The following OR6N1 variants were observed in gnomAD, a reference collection of about 807,000 sequenced individuals.
OR6N1 encodes olfactory receptor 6N1.
For synonymous variants in OR6N1, 170 were observed against 150.7 expected, an observed-to-expected ratio of 1.13 and a Z score of -0.94; for missense variants, 394 against 371.7, an observed-to-expected ratio of 1.06 and a Z score of -0.49.
the OR6N1 span, among the ~76,000 whole-genome samples, chr1:158,790,690 C>T: frequency 6.6e-6 from 1 of 152,170 alleles, no homozygotes; most frequent in Non-Finnish European, 1.5e-5. Context: ...AGGCGTGAGC[C>T]ACTGCGCCGG....
chr1:158,769,524 A>T (rs1184060342), intron 1 of OR6N1, among the ~76,000 whole-genome samples: 1 of 152,212 alleles, frequency 6.6e-6, no homozygotes, highest in Non-Finnish European at 1.5e-5. Flanking sequence ...TGGAAAAATG[A>T]AATAAAAAGT....
the OR6N1 span, among the ~76,000 whole-genome samples, chr1:158,813,266 T>C: frequency 6.6e-6 from 1 of 152,196 alleles, no homozygotes; most frequent in Non-Finnish European, 1.5e-5. Context: ...TAAGAATTTA[T>C]CCTGCAGATG....
chr1:158,838,663 A>C, the OR6N1 span, among the ~76,000 whole-genome samples: 1 of 152,066 alleles, frequency 6.6e-6, no homozygotes, highest in Non-Finnish European at 1.5e-5. Context: ...TTATTTACTC[A>C]ATAATTTTGT....
chr1:158,785,023 G>A, the OR6N1 span, among the ~76,000 whole-genome samples: 47,524 of 152,004 alleles, frequency 0.31, 7,695 homozygotes, highest in South Asian at 0.57. Flanking sequence ...TAAACTGTAA[G>A]CTTTTTGAGG....
the OR6N1 span, among the ~76,000 whole-genome samples, chr1:158,798,942 A>G: frequency 1.3e-5 from 2 of 152,196 alleles, no homozygotes; most frequent in South Asian, 4.1e-4. Flanking sequence ...GGAGAAGAGC[A>G]CAGGAAAGAA....
chr1:158,766,223 C>G lies in OR6N1; in HGVS notation c.460G>C (p.Ala154Pro), dbSNP rs760740221. The G allele has an allele frequency of 6.2e-7, 1 of 1,614,032 alleles. No individual in the cohort carries two copies. The highest frequency in any genetic ancestry group is 1.7e-5 in the Admixed American group (1 of 59,996). Residue 154 changes from alanine to proline, a missense_variant, in exon 2 of 2, where the codon GCT (alanine) becomes CCT (proline). Physicochemically the swap from Ala to Pro is conservative, Grantham distance 27. Coordinates refer to ENST00000641846, the MANE Select transcript of OR6N1 (RefSeq NM_001005185.2). ...AAGGAAATTTCAACTACTGGCCCAG[C>G]CAAGCCTCCCAACCAACAGCCAATG... is the stretch of plus-strand genomic sequence containing the variant. ...IAIGCWLGGLAGPVVEISLIS... is the reference protein window; with the variant it reads ...IAIGCWLGGLPGPVVEISLIS...
chr1:158,789,686 C>A, the OR6N1 span, among the ~76,000 whole-genome samples: 5 of 152,152 alleles, frequency 3.3e-5, no homozygotes, highest in East Asian at 9.6e-4. Context: ...ATTGGATTAT[C>A]TGTTTTCTTA....
chr1:158,810,810 A>G, the OR6N1 span, among the ~76,000 whole-genome samples: 2 of 152,212 alleles, frequency 1.3e-5, no homozygotes, highest in African/African-American at 4.8e-5. Context: ...AAATGACCAG[A>G]AAGGAGTAAA....
chr1:158,837,309 A>G, the OR6N1 span, among the ~76,000 whole-genome samples: 1 of 151,852 alleles, frequency 6.6e-6, no homozygotes, highest in Non-Finnish European at 1.5e-5. Flanking sequence ...GTGGAACATT[A>G]AAGTCTCTTA....
At chr1:158,803,815 C>A in the OR6N1 span, among the ~76,000 whole-genome samples, 1 of 152,178 alleles carries the variant, frequency 6.6e-6, no homozygotes, top group South Asian at 2.1e-4. Flanking sequence ...AAGTTTAGTT[C>A]TTGCCTAGTC....
the OR6N1 span, among the ~76,000 whole-genome samples, chr1:158,790,349 G>C: frequency 6.7e-6 from 1 of 148,736 alleles, no homozygotes; most frequent in East Asian, 2.0e-4. Flanking sequence ...TAAACTTTAG[G>C]TTGTTTTTTT....
At chr1:158,804,476 T>C in the OR6N1 span, among the ~76,000 whole-genome samples, 15 of 152,348 alleles carry the variant, frequency 9.8e-5, no homozygotes, top group Non-Finnish European at 1.8e-4. Flanking sequence ...CAATTCATTA[T>C]TTGAGGAGAA....
chr1:158,822,602 G>A, the OR6N1 span, among the ~76,000 whole-genome samples: 1 of 152,102 alleles, frequency 6.6e-6, no homozygotes, highest in Non-Finnish European at 1.5e-5. Context: ...GAGCTTATAG[G>A]CAAAGACAAA....
the OR6N1 span, among the ~76,000 whole-genome samples, chr1:158,836,356 G>T: frequency 1.3e-5 from 2 of 151,926 alleles, no homozygotes; most frequent in Admixed American, 6.6e-5. Flanking sequence ...ACTTAGTCTG[G>T]ACTTTTCTTT....
the OR6N1 span, among the ~76,000 whole-genome samples, chr1:158,823,441 G>A: frequency 6.6e-6 from 1 of 152,022 alleles, no homozygotes; most frequent in African/African-American, 2.4e-5. Context: ...ATTTTGGGAG[G>A]TTGTATGTGT....
the OR6N1 span, among the ~76,000 whole-genome samples, chr1:158,805,430 G>C: frequency 6.6e-6 from 1 of 152,156 alleles, no homozygotes; most frequent in Non-Finnish European, 1.5e-5. Context: ...GCTTATAAAA[G>C]TGATGGTATC....
At chr1:158,778,290 A>AG in the OR6N1 span, among the ~76,000 whole-genome samples, 1 of 152,358 alleles carries the variant, frequency 6.6e-6, no homozygotes, top group Admixed American at 6.5e-5. Flanking sequence ...TGTAAAGTAC[A>AG]GAACACTTCA....
Position 158,766,410 on chromosome 1 carries a change from G to A in OR6N1, c.273C>T (p.Thr91=). 1 of 1,614,118 alleles carries A rather than the reference G, an allele frequency of 6.2e-7. No individual in the cohort carries two copies. The change falls in exon 2 of 2, where the codon ACC becomes ACT. Residue 91 remains threonine (T), a synonymous_variant. Transcript: ENST00000641846. ...GCAGGAGACACCCAGAGAATGAAAT[G>A]GTCTTTTTCTCACTGAGCAAGTTTG... The part of the protein sequence containing the change: ...MLANLLSEKK[T]ISFSGCLLQI...
At chr1:158,792,863 G>A in the OR6N1 span, among the ~76,000 whole-genome samples, 2 of 152,134 alleles carry the variant, frequency 1.3e-5, no homozygotes, top group Non-Finnish European at 2.9e-5. Flanking sequence ...ACAATTACCT[G>A]AAATGGGTTT....
Sources: gnomAD v4.1 joint callset for allele counts (sites outside exome capture counted in the v4.1 genomes callset) on GRCh38, gnomAD v4.1.1 for gene constraint, MANE v1.5 for transcripts, NCBI Gene and HGNC (gene_info 2026-07-23, HGNC 2026-07-21) for gene names.